SETD3: variants seen among roughly 807,000 people sequenced by gnomAD.
The protein encoded by SETD3 is SET domain containing 3, actin N3(tau)-histidine methyltransferase.
Under a neutral mutation model 63.0 loss-of-function variants are expected in SETD3, and 19 were observed. The ratio of observed to expected loss-of-function variants is 0.30; its 90% CI spans 0.21 to 0.44. The LOEUF (loss-of-function observed/expected upper bound fraction) is 0.44, where lower values mean the gene tolerates loss of function less well. Ranked by LOEUF, SETD3 falls within the 20% of genes least tolerant of loss-of-function variation. SETD3 has a pLI of 1.00. For synonymous variants in SETD3, 286 were observed against 264.1 expected, an observed-to-expected ratio of 1.08 and a Z score of -0.80; for missense variants, 587 against 728.5, an observed-to-expected ratio of 0.81 and a Z score of 2.24.
At chr14:99,474,617 C>A (rs1393415583) in intron 1 of SETD3, among the ~76,000 whole-genome samples, 1 of 152,144 alleles carries the variant, frequency 6.6e-6, no homozygotes, top group Non-Finnish European at 1.5e-5. Context: ...GTAATCCCAG[C>A]ATTTTGGGAG....
chr14:99,443,526 A>G (rs1893958598), intron 6 of SETD3, among the ~76,000 whole-genome samples: 1 of 152,188 alleles, frequency 6.6e-6, no homozygotes, highest in African/African-American at 2.4e-5. Flanking sequence ...TGCTGGGATT[A>G]CAGGCGTGAG....
intron 5 of SETD3, among the ~76,000 whole-genome samples, chr14:99,458,876 G>A (rs760510125): frequency 6.6e-6 from 1 of 151,774 alleles, no homozygotes; most frequent in Non-Finnish European, 1.5e-5. Flanking sequence ...CTATGATGGT[G>A]CCAGTGTACT....
In SETD3 at chr14:99,458,476, G is replaced by A. The variant is rs757132956; in HGVS notation, c.478C>T (p.His160Tyr). 7.4e-6 allele frequency: 12 copies of A among 1,614,178 alleles called. No homozygotes were observed. In the East Asian group the frequency reaches 2.7e-4, roughly 36 times the overall value. Residue 160 changes from histidine to tyrosine, a missense_variant, in exon 6 of 13, where the codon CAT (histidine) becomes TAT (tyrosine). Coordinates refer to ENST00000331768, the MANE Select transcript of SETD3 (RefSeq NM_032233.3). ...QAMGNIALAFHLLCERASPNS... is the reference protein window; with the variant it reads ...QAMGNIALAFYLLCERASPNS... Reference sequence around the variant, plus strand: ...GGGCTGGCTCGCTCACACAGCAAATGAAAGGCCAGTGCGATGTTTCCCATG... The same window carrying A: ...GGGCTGGCTCGCTCACACAGCAAATAAAAGGCCAGTGCGATGTTTCCCATG...
upstream of SETD3, among the ~76,000 whole-genome samples, chr14:99,483,201 A>C (rs1248287345): frequency 6.6e-6 from 1 of 152,162 alleles, no homozygotes; most frequent in Non-Finnish European, 1.5e-5. Flanking sequence ...CAAGTTTATG[A>C]GTACTTGGGA....
At chr14:99,472,464 A>G (rs2139813432) in intron 1 of SETD3, among the ~76,000 whole-genome samples, 1 of 152,240 alleles carries the variant, frequency 6.6e-6, no homozygotes, top group East Asian at 1.9e-4. Context: ...TACCGTGAAT[A>G]ATTTTCATGA....
intron 6 of SETD3, among the ~76,000 whole-genome samples, chr14:99,452,995 T>C (rs774360746): frequency 2.6e-5 from 4 of 152,232 alleles, no homozygotes; most frequent in Non-Finnish European, 5.9e-5. Context: ...TGCAAGTTCA[T>C]TTCTCTAGGG....
intron 6 of SETD3, among the ~76,000 whole-genome samples, chr14:99,440,301 T>TA (rs1187106113): frequency 6.6e-6 from 1 of 152,144 alleles, no homozygotes; most frequent in African/African-American, 2.4e-5. Flanking sequence ...ATGACAAAAG[T>TA]ACGCAAACCA....
At chr14:99,410,746 C>A (rs915332468) in intron 8 of SETD3, among the ~76,000 whole-genome samples, 2 of 152,218 alleles carry the variant, frequency 1.3e-5, no homozygotes, top group Non-Finnish European at 2.9e-5. Context: ...CATCCAGCCC[C>A]TTACTTTCTT....
At chr14:99,485,205 G>A (rs1283896805), upstream of SETD3, among the ~76,000 whole-genome samples, 1 of 152,196 alleles carries the variant, frequency 6.6e-6, no homozygotes, top group Non-Finnish European at 1.5e-5. Context: ...GGGACCAGGA[G>A]TTTGGCCAGT....
At chr14:99,425,653 G>T (rs1472524551) in intron 6 of SETD3, among the ~76,000 whole-genome samples, 2 of 152,172 alleles carry the variant, frequency 1.3e-5, no homozygotes, top group Non-Finnish European at 2.9e-5. Flanking sequence ...CCTAGAAATG[G>T]ACCTCCATTT....
At chr14:99,454,304 T>C (rs1369768934) in intron 6 of SETD3, among the ~76,000 whole-genome samples, 2 of 152,008 alleles carry the variant, frequency 1.3e-5, no homozygotes, top group African/African-American at 4.8e-5. Flanking sequence ...AACCTCCCAC[T>C]TCAGCCTCCC....
chr14:99,463,004 G>T (rs1895158079), intron 3 of SETD3, among the ~76,000 whole-genome samples: 1 of 152,172 alleles, frequency 6.6e-6, no homozygotes, highest in Non-Finnish European at 1.5e-5. Flanking sequence ...GCCTGGATGA[G>T]AATCATTACA....
intron 4 of SETD3, 43 bp from the exon 5 acceptor site, chr14:99,459,228 A>G: frequency 7.2e-7 from 1 of 1,390,454 alleles, no homozygotes; most frequent in Non-Finnish European, 1.0e-6. Flanking sequence ...AAAACACGGT[A>G]CAGTCTTCAA....
In SETD3 at chr14:99,406,597, C is replaced by T. The variant is rs747662905; in HGVS notation, c.850-7G>A. ...GGTTGTAACCAGTAGTGATCTAGCCCGGGGAGGAGGAAGGAAATGATGGTG... is the reference window on the plus strand; with the variant it reads ...GGTTGTAACCAGTAGTGATCTAGCCTGGGGAGGAGGAAGGAAATGATGGTG... On this transcript the variant is annotated splice_polypyrimidine_tract_variant and splice_region_variant and intron_variant, in intron 8 of 12. Coordinates refer to ENST00000331768, the MANE Select transcript of SETD3 (RefSeq NM_032233.3). The T allele has an allele frequency of 2.5e-6, 4 of 1,613,672 alleles. No homozygotes were observed. The highest frequency in any genetic ancestry group is 1.3e-5 in the African/African-American group (1 of 74,868).
chr14:99,431,452 G>C (rs1187833399), intron 6 of SETD3, among the ~76,000 whole-genome samples: 2 of 152,214 alleles, frequency 1.3e-5, no homozygotes, highest in East Asian at 3.9e-4. Context: ...GTACAAGAGG[G>C]AGCCAGCAGT....
At chr14:99,443,810 G>T (rs1319973211) in intron 6 of SETD3, among the ~76,000 whole-genome samples, 1 of 152,152 alleles carries the variant, frequency 6.6e-6, no homozygotes, top group Non-Finnish European at 1.5e-5. Context: ...GGCCTATTTT[G>T]CCTCAATATA....
At chr14:99,464,281 T>C (rs1595260373) in intron 2 of SETD3, among the ~76,000 whole-genome samples, 1 of 152,226 alleles carries the variant, frequency 6.6e-6, no homozygotes, top group Non-Finnish European at 1.5e-5. Context: ...CACAACTGCA[T>C]TGGTTTAGAC....
Position 99,413,911 on chromosome 14 carries a change from T to TTCTTTCTTGCCA in SETD3, c.698_699insTGGCAAGAAAGA (p.Leu233_Pro234insGlyLysLysGlu). The TTCTTTCTTGCCA allele has an allele frequency of 6.2e-7, 1 of 1,613,968 alleles. No individual in the cohort carries two copies. Among genetic ancestry groups the TTCTTTCTTGCCA allele is most frequent in the Non-Finnish European group, 8.5e-7 (1 of 1,179,934 alleles). ...CGTAAGTGAAAGAATCCTTCAAGGG[T>TTCTTTCTTGCCA]AGTTTGTTGGCATGAGGATGGGTCT... On this transcript the variant is annotated inframe_insertion, in exon 7 of 13. Coordinates refer to ENST00000331768, the MANE Select transcript of SETD3 (RefSeq NM_032233.3).
At chr14:99,478,834 CA>C (rs1261400461) in intron 1 of SETD3, 1 of 152,174 alleles carries the variant, frequency 6.6e-6, no homozygotes, top group African/African-American at 2.4e-5. Context: ...CTCTCAAAAC[CA>C]AAACAGTTGT....
Sources: gnomAD v4.1 joint callset for allele counts (sites outside exome capture counted in the v4.1 genomes callset) on GRCh38, gnomAD v4.1.1 for gene constraint, MANE v1.5 for transcripts, NCBI Gene and HGNC (gene_info 2026-07-23, HGNC 2026-07-21) for gene names.